Variants in YY1AP1 observed in about 807,000 individuals in gnomAD.
The protein encoded by YY1AP1 is YY1 associated protein 1.
In YY1AP1, 43 loss-of-function variants were observed where a neutral mutation model predicts 39.9. That is an observed-to-expected ratio of 1.08 (90% CI 0.84 to 1.39). The LOEUF is 1.39. Among genes scored for constraint, YY1AP1 ranks in the 40% most tolerant of loss-of-function variants. The pLI is 0.00. For missense variants in YY1AP1, 813 were observed against 900.7 expected (o/e 0.90, Z 1.25); for synonymous variants, 292 against 331.3 (o/e 0.88, Z 1.29).
chr1:155,679,978 A>G lies in YY1AP1; in HGVS notation c.21+438T>C, dbSNP rs561286252. On this transcript the variant is annotated intron_variant, in intron 3 of 10. Coordinates refer to ENST00000355499, the MANE Select transcript of YY1AP1 (RefSeq NM_139119.3). ...TGAGGCAGGAAGATTACTTGAGCCTATGAGTTCCAGAACATGGCAAGACCC... is the reference window on the plus strand; with the variant it reads ...TGAGGCAGGAAGATTACTTGAGCCTGTGAGTTCCAGAACATGGCAAGACCC... 36 of 266,900 alleles carry G rather than the reference A, an allele frequency of 1.3e-4. No individual in the cohort carries two copies. In the East Asian group the frequency reaches 3.8e-3, roughly 28 times the overall value. The allele number at this position is 266,900 out of a possible 1,614,324, so 16.5% of individuals were successfully genotyped here.
Position 155,661,293 on chromosome 1 carries a change from G to C in YY1AP1, c.996+14C>G. 1 of 1,613,926 alleles carries C rather than the reference G, an allele frequency of 6.2e-7. No individual in the cohort carries two copies. Among genetic ancestry groups the C allele is most frequent in the Non-Finnish European group, 8.5e-7 (1 of 1,179,866 alleles). On this transcript the variant is annotated intron_variant, in intron 10 of 10. Transcript: ENST00000355499. ...CCTTCTGCCTCCTACAGACTTCGAG[G>C]AAGAGGGCTGTACCTTTAACCAGAA...
At chr1:155,679,771 T>G (rs1651256990) in intron 3 of YY1AP1, 1 of 984,148 alleles carries the variant, frequency 1.0e-6, no homozygotes, top group African/African-American at 1.7e-5. Context: ...ATGATCAATT[T>G]CTTAAACAGA....
At position 155,668,800 on chromosome 1, in the gene YY1AP1, A is replaced by C. The variant is rs762823188; in HGVS notation, c.729-23T>G. Reference sequence around the variant, plus strand: ...AAACTGAGAAAGGAGCAATAACACTAAATCTCACTTCACAGTCCTTCCTTC... The same window carrying C: ...AAACTGAGAAAGGAGCAATAACACTCAATCTCACTTCACAGTCCTTCCTTC... On this transcript the variant is annotated intron_variant, in intron 8 of 10. Coordinates refer to ENST00000355499, the MANE Select transcript of YY1AP1 (RefSeq NM_139119.3). 11 of 1,613,966 alleles carry C rather than the reference A, an allele frequency of 6.8e-6. No homozygotes were observed. The African/African-American group carries it at 1.5e-4, about 22-fold the overall frequency.
chr1:155,679,087 G>A, intron 4 of YY1AP1: 4 of 1,235,678 alleles, frequency 3.2e-6, no homozygotes, highest in African/African-American at 3.1e-5. Flanking sequence ...GGACAGACTG[G>A]ATATTACAAT....
At chr1:155,665,659 T>C (rs1264702723) in intron 9 of YY1AP1, among the ~76,000 whole-genome samples, 1 of 151,036 alleles carries the variant, frequency 6.6e-6, no homozygotes, top group Admixed American at 6.6e-5. Flanking sequence ...ACGCCTGTAA[T>C]CCCCGCACTC....
intron 6 of YY1AP1, among the ~76,000 whole-genome samples, chr1:155,673,190 A>AT (rs34504533): frequency 6.6e-6 from 1 of 151,826 alleles, no homozygotes; most frequent in Non-Finnish European, 1.5e-5. Context: ...TGATTTTTGT[A>AT]TTTTTTGCAG....
At chr1:155,682,374 C>T (rs888009682) in intron 2 of YY1AP1, among the ~76,000 whole-genome samples, 1 of 152,112 alleles carries the variant, frequency 6.6e-6, no homozygotes, top group African/African-American at 2.4e-5. Context: ...ATCTCTGACA[C>T]ACAAAGCTAT....
chr1:155,673,844 T>C (rs1347437402), intron 6 of YY1AP1, among the ~76,000 whole-genome samples: 1 of 150,166 alleles, frequency 6.7e-6, no homozygotes, highest in Non-Finnish European at 1.5e-5. Context: ...TGAGCCACCA[T>C]ACCTGGCCAA....
At chr1:155,683,689 C>G (rs1374864025) in intron 2 of YY1AP1, among the ~76,000 whole-genome samples, 1 of 151,968 alleles carries the variant, frequency 6.6e-6, no homozygotes, top group Non-Finnish European at 1.5e-5. Context: ...AAAACAACAA[C>G]AAGTGAAATA....
In YY1AP1 at chr1:155,668,649, CT is replaced by C. The variant is rs1278398467; in HGVS notation, c.856del (p.Arg286GlufsTer19). 1 of 1,614,154 alleles carries C rather than the reference CT, an allele frequency of 6.2e-7. No homozygotes were observed. Among genetic ancestry groups the C allele is most frequent in the East Asian group, 2.2e-5 (1 of 44,882 alleles). ...CACTTTAATGATGTTGTCAGGAGCTCTGTTCATGTTGAGGTTCTTGATTCTC... is the reference window on the plus strand; with the variant it reads ...CACTTTAATGATGTTGTCAGGAGCTCGTTCATGTTGAGGTTCTTGATTCTC... Reference protein sequence around the residue: ...TVRIKNLNMNRAPDNIIKFYK... With the variant: ...TVRIKNLNMNXAPDNIIKFYK... On this transcript the variant is annotated frameshift_variant, in exon 9 of 11. Transcript: ENST00000355499. LOFTEE classifies it high-confidence loss of function.
At chr1:155,676,837 A>G in intron 4 of YY1AP1, 91 bp from the exon 5 acceptor site, 1 of 1,284,730 alleles carries the variant, frequency 7.8e-7, no homozygotes. Context: ...AGCCTGAACA[A>G]TTTTCATTCC....
intron 7 of YY1AP1, among the ~76,000 whole-genome samples, chr1:155,672,103 T>A (rs1403687006): frequency 6.6e-6 from 1 of 152,184 alleles, no homozygotes; most frequent in East Asian, 1.9e-4. Context: ...AACTTGCAAG[T>A]CAACATTTCA....
intron 4 of YY1AP1, among the ~76,000 whole-genome samples, chr1:155,677,439 A>G (rs1650862212): frequency 6.6e-6 from 1 of 152,146 alleles, no homozygotes; most frequent in Admixed American, 6.6e-5. Flanking sequence ...TATGATTACT[A>G]TACCTTTTCT....
intron 3 of YY1AP1, 175 bp from the exon 4 acceptor site, chr1:155,679,687 G>A (rs1651249763): frequency 2.0e-6 from 2 of 985,298 alleles, no homozygotes; most frequent in Non-Finnish European, 2.4e-6. Flanking sequence ...CATATGGAAT[G>A]ACTATTATGC....
rs1647688470 is a variant in YY1AP1 at position 155,659,474 on chromosome 1, T to G, written c.*183A>C. 1.6e-6 allele frequency: 1 copy of G among 644,092 alleles called. No individual in the cohort carries two copies. 39.9% of individuals were successfully genotyped at this position (644,092 alleles called of 1,614,324 possible). A position where few individuals can be genotyped will look rare whatever the true frequency, so the allele number is the denominator to read the frequency against. ...AACAATGAAGCAATAAAAGCACAGA[T>G]TTATTGAAGCAAAAGTATATTCCAC... On this transcript the variant is annotated 3_prime_UTR_variant, in exon 11 of 11. Coordinates refer to ENST00000355499, the MANE Select transcript of YY1AP1 (RefSeq NM_139119.3).
At chr1:155,670,615 G>A in intron 7 of YY1AP1, 151 bp from the exon 8 acceptor site, 1 of 728,924 alleles carries the variant, frequency 1.4e-6, no homozygotes, top group Non-Finnish European at 2.2e-6. Flanking sequence ...AGTTTCCACA[G>A]TCTTTCCTCA....
At chr1:155,688,802 C>A (rs1653176371), upstream of YY1AP1, 2 of 1,552,446 alleles carry the variant, frequency 1.3e-6, no homozygotes, top group African/African-American at 1.4e-5. Flanking sequence ...CTCCCACAGT[C>A]CCCACCGCGG....
At chr1:155,679,793 A>G in intron 3 of YY1AP1, 1 of 1,277,520 alleles carries the variant, frequency 7.8e-7, no homozygotes, top group Non-Finnish European at 1.0e-6. Context: ...ATATCTTTTT[A>G]GACAAATTTA....
At position 155,668,723 on chromosome 1, in the gene YY1AP1, T is replaced by G. The variant is rs1287035157; in HGVS notation, c.783A>C (p.Leu261=). 1 of 1,614,040 alleles carries G rather than the reference T, an allele frequency of 6.2e-7. No individual in the cohort carries two copies. Among genetic ancestry groups the G allele is most frequent in the African/African-American group, 1.3e-5 (1 of 74,914 alleles). The change falls in exon 9 of 11, where the codon CTA becomes CTC. Residue 261 remains leucine (L), a synonymous_variant. Coordinates refer to ENST00000355499, the MANE Select transcript of YY1AP1 (RefSeq NM_139119.3). ...HFEGTEFLNP[L]ISKYLLTCKT... is the part of the protein sequence containing the mutation. ...TGCAGGTTAGAAGGTACTTGCTGAT[T>G]AGAGGGTTAAGAAACTCAGTCCCTT...
Sources: allele counts gnomAD v4.1 joint callset (sites outside exome capture counted in the v4.1 genomes callset), GRCh38; gene constraint gnomAD v4.1.1; transcripts MANE v1.5; gene names NCBI Gene and HGNC (gene_info 2026-07-23, HGNC 2026-07-21).